Variants in E2F3 observed in about 807,000 individuals in gnomAD.
E2F3 encodes the protein transcription factor E2F3.
Under a neutral mutation model 44.4 loss-of-function variants are expected in E2F3, and 11 were observed. The ratio of observed to expected loss-of-function variants is 0.25; its 90% CI spans 0.16 to 0.41. The LOEUF is 0.41. E2F3 is among the 10% of genes least tolerant of loss of function. E2F3 has a pLI of 1.00. For missense variants in E2F3, 487 were observed against 583.6 expected, an observed-to-expected ratio of 0.83 and a Z score of 1.70; for synonymous variants, 249 against 253.0, an observed-to-expected ratio of 0.98 and a Z score of 0.15.
At chr6:20,418,873 G>A (rs1023559945) in intron 1 of E2F3, among the ~76,000 whole-genome samples, 11 of 150,956 alleles carry the variant, frequency 7.3e-5, no homozygotes, top group African/African-American at 2.4e-4. Context: ...CTTGTTTTTA[G>A]TACCTGCTTA....
intron 1 of E2F3, among the ~76,000 whole-genome samples, chr6:20,459,948 A>G (rs1283883851): frequency 6.6e-6 from 1 of 152,198 alleles, no homozygotes; most frequent in Admixed American, 6.5e-5. Flanking sequence ...AGAAAAAGAA[A>G]ACTTGTGAGT....
Position 20,473,585 on chromosome 6 carries a change from A to C in E2F3, c.394-6261A>C, listed in dbSNP as rs965495883. On this transcript the variant is annotated intron_variant, in intron 1 of 6. Coordinates refer to ENST00000346618, the MANE Select transcript of E2F3 (RefSeq NM_001949.5). ...CTAATTCAGCTGCCTTATACCAAAAAGGGATATTTGTGGGCTCACACAAAT... is the reference window on the plus strand; with the variant it reads ...CTAATTCAGCTGCCTTATACCAAAACGGGATATTTGTGGGCTCACACAAAT... Among the ~76,000 whole-genome samples the C allele has an allele frequency of 8.5e-5, 13 of 152,328 alleles. 1 individual carries two copies. The highest frequency in any genetic ancestry group is 2.9e-4 in the African/African-American group (12 of 41,572).
At chr6:20,462,305 C>T (rs1176966882) in intron 1 of E2F3, among the ~76,000 whole-genome samples, 1 of 152,144 alleles carries the variant, frequency 6.6e-6, no homozygotes, top group Non-Finnish European at 1.5e-5. Context: ...TTCCGATACA[C>T]AGTTTATTAA....
At chr6:20,463,166 T>C (rs902611787) in intron 1 of E2F3, among the ~76,000 whole-genome samples, 6 of 152,116 alleles carry the variant, frequency 3.9e-5, no homozygotes, top group Non-Finnish European at 8.8e-5. Flanking sequence ...GTGATTCTCC[T>C]GCCTCTGCCT....
intron 1 of E2F3, among the ~76,000 whole-genome samples, chr6:20,472,062 A>ACACACACACT (rs1554140458): frequency 2.0e-5 from 3 of 150,962 alleles, no homozygotes; most frequent in Non-Finnish European, 2.9e-5. Flanking sequence ...ACACACACAC[A>ACACACACACT]CACACACTCA....
intron 1 of E2F3, among the ~76,000 whole-genome samples, chr6:20,458,480 C>A (rs1180170647): frequency 1.3e-5 from 2 of 152,188 alleles, no homozygotes; most frequent in Non-Finnish European, 2.9e-5. Flanking sequence ...TCTCCACTTC[C>A]TCAGCCTTAG....
At chr6:20,439,507 T>C (rs1760702615) in intron 1 of E2F3, among the ~76,000 whole-genome samples, 1 of 152,228 alleles carries the variant, frequency 6.6e-6, no homozygotes, top group African/African-American at 2.4e-5. Context: ...GACATGTCCC[T>C]CTGCAACCAT....
At chr6:20,453,163 T>A (rs1761189734) in intron 1 of E2F3, among the ~76,000 whole-genome samples, 1 of 152,108 alleles carries the variant, frequency 6.6e-6, no homozygotes, top group Admixed American at 6.6e-5. Flanking sequence ...TTTTCTTGGT[T>A]TATCATTTCC....
At position 20,423,611 on chromosome 6, in the gene E2F3, C is replaced by T. The variant is rs549070869; in HGVS notation, c.393+20986C>T. Among the ~76,000 whole-genome samples, 4 of 151,818 alleles carry T rather than the reference C, an allele frequency of 2.6e-5. No individual in the cohort carries two copies. In the East Asian group the frequency reaches 5.8e-4, roughly 22 times the overall value. On this transcript the variant is annotated intron_variant, in intron 1 of 6. Transcript: ENST00000346618. ...TCAGCCTCCCAAGTAACTGGGATTA[C>T]AGGCGCCCACCACCACACCCAGCTA...
chr6:20,492,160 A>C lies in E2F3; in HGVS notation c.*1730A>C, dbSNP rs549503893. 6 of 225,212 alleles carry C rather than the reference A, an allele frequency of 2.7e-5. No homozygotes were observed. The highest frequency in any genetic ancestry group is 1.8e-4 in the South Asian group (1 of 5,452). The allele number at this position is 225,212 out of a possible 1,614,324, so 14.0% of individuals were successfully genotyped here. ...AAAATATCCCTTAGGAAAAAAAAAAAACACACAAAAAACCACAAGAGCCCC... is the reference window on the plus strand; with the variant it reads ...AAAATATCCCTTAGGAAAAAAAAAACACACACAAAAAACCACAAGAGCCCC... On this transcript the variant is annotated 3_prime_UTR_variant, in exon 7 of 7. Transcript: ENST00000346618.
At chr6:20,435,258 A>G (rs1312061018) in intron 1 of E2F3, among the ~76,000 whole-genome samples, 2 of 152,140 alleles carry the variant, frequency 1.3e-5, no homozygotes, top group Admixed American at 6.5e-5. Context: ...GATTGCAGGC[A>G]TGAGCCACTG....
chr6:20,489,378 G>A (rs927428933), intron 6 of E2F3, among the ~76,000 whole-genome samples: 6 of 151,852 alleles, frequency 4.0e-5, no homozygotes, highest in Non-Finnish European at 7.4e-5. Flanking sequence ...TGGCAGGATC[G>A]CTTGAGCCCA....
At chr6:20,420,601 T>C (rs190091036) in intron 1 of E2F3, among the ~76,000 whole-genome samples, 2 of 152,340 alleles carry the variant, frequency 1.3e-5, no homozygotes, top group Admixed American at 1.3e-4. Context: ...TGTACTGTAG[T>C]CTATTCAGTG....
At chr6:20,414,429 T>C (rs1759775814) in intron 1 of E2F3, among the ~76,000 whole-genome samples, 1 of 152,056 alleles carries the variant, frequency 6.6e-6, no homozygotes, top group South Asian at 2.1e-4. Flanking sequence ...TGAACCAAGA[T>C]AGCTCTTTTT....
At chr6:20,432,876 T>C (rs1259566521) in intron 1 of E2F3, among the ~76,000 whole-genome samples, 2 of 152,228 alleles carry the variant, frequency 1.3e-5, no homozygotes, top group Admixed American at 6.5e-5. Flanking sequence ...GCCTTTGCAC[T>C]TGCTGTCCCA....
chr6:20,481,937 G>T (rs951800322), intron 3 of E2F3, among the ~76,000 whole-genome samples: 1 of 152,028 alleles, frequency 6.6e-6, no homozygotes, highest in Non-Finnish European at 1.5e-5. Flanking sequence ...CCTCCATTTC[G>T]TCTGTAGAGC....
chr6:20,427,285 T>C (rs1006203588), intron 1 of E2F3, among the ~76,000 whole-genome samples: 21 of 152,208 alleles, frequency 1.4e-4, no homozygotes, highest in African/African-American at 4.6e-4. Context: ...AACTCAAAGA[T>C]TTAAACATCT....
chr6:20,465,000 A>G (rs1761653983), intron 1 of E2F3, among the ~76,000 whole-genome samples: 1 of 152,210 alleles, frequency 6.6e-6, no homozygotes, highest in Non-Finnish European at 1.5e-5. Flanking sequence ...CCCAGCTTTG[A>G]TCATCCTAGC....
rs1250535778 is a variant in E2F3 at position 20,401,904 on chromosome 6, G to A, written c.-329G>A. The stretch of plus-strand genomic sequence containing the variant: ...ATTCATTGTCAGCAGCAGCTTCCTG[G>A]AGCCATTTTTCAGCTGCCGGCCGCA... On this transcript the variant is annotated 5_prime_UTR_variant, in exon 1 of 7. Coordinates refer to ENST00000346618, the MANE Select transcript of E2F3 (RefSeq NM_001949.5). 1.0e-5 allele frequency: 4 copies of A among 387,394 alleles called. No homozygotes were observed. Among genetic ancestry groups the A allele is most frequent in the African/African-American group, 4.2e-5 (2 of 47,750 alleles). The allele number at this position is 387,394 out of a possible 1,614,324, so 24.0% of individuals were successfully genotyped here. A position where few individuals can be genotyped will look rare whatever the true frequency, so the allele number is the denominator to read the frequency against.
Sources: allele counts gnomAD v4.1 joint callset (sites outside exome capture counted in the v4.1 genomes callset), GRCh38; gene constraint gnomAD v4.1.1; transcripts MANE v1.5; gene names NCBI Gene and HGNC (gene_info 2026-07-23, HGNC 2026-07-21).